MAPRE2: variants seen among roughly 807,000 people sequenced by gnomAD.
MAPRE2 encodes microtubule-associated protein RP/EB family member 2.
A neutral mutation model predicts 43.2 loss-of-function variants in MAPRE2; 13 were observed. The observed-to-expected ratio is 0.30, with a 90% CI of 0.20 to 0.48. MAPRE2 has a LOEUF of 0.48. Ranked by LOEUF, MAPRE2 falls within the 20% of genes least tolerant of loss-of-function variation. The pLI is 0.99. For missense variants in MAPRE2, 161 were observed against 400.2 expected, an observed-to-expected ratio of 0.40 and a Z score of 5.10; for synonymous variants, 135 against 148.8, an observed-to-expected ratio of 0.91 and a Z score of 0.68.
At chr18:34,992,807 G>A (rs980146443) in intron 1 of MAPRE2, among the ~76,000 whole-genome samples, 9 of 152,098 alleles carry the variant, frequency 5.9e-5, no homozygotes, top group African/African-American at 2.2e-4. Flanking sequence ...ATACGAAAGC[G>A]GTGTGATTTC....
intron 1 of MAPRE2, among the ~76,000 whole-genome samples, chr18:35,001,730 G>A (rs765203163): frequency 2.0e-5 from 3 of 151,380 alleles, no homozygotes; most frequent in Non-Finnish European, 2.9e-5. Context: ...TTTTTTTCTT[G>A]GATCTGTGCA....
At chr18:35,013,096 C>T in intron 2 of MAPRE2, among the ~76,000 whole-genome samples, 1 of 152,064 alleles carries the variant, frequency 6.6e-6, no homozygotes, top group East Asian at 1.9e-4. Context: ...ATTGCTTTAG[C>T]AACAAAGAGG....
intron 4 of MAPRE2, among the ~76,000 whole-genome samples, chr18:35,104,995 C>G (rs1908840767): frequency 6.6e-6 from 1 of 152,046 alleles, no homozygotes; most frequent in Admixed American, 6.6e-5. Flanking sequence ...CTTCCACGAT[C>G]ATAACCTGTC....
At chr18:35,096,287 G>A (rs1000093304) in intron 2 of MAPRE2, among the ~76,000 whole-genome samples, 1 of 152,114 alleles carries the variant, frequency 6.6e-6, no homozygotes, top group African/African-American at 2.4e-5. Flanking sequence ...CAAGAGATCT[G>A]GAGATAGCAA....
At chr18:35,060,477 G>C (rs144188422) in intron 1 of MAPRE2, among the ~76,000 whole-genome samples, 2 of 152,186 alleles carry the variant, frequency 1.3e-5, no homozygotes, top group Admixed American at 6.5e-5. Context: ...ATGAAGAAGC[G>C]TATGTCTATG....
chr18:34,978,142 C>T, intron 1 of MAPRE2: 1 of 299,324 alleles, frequency 3.3e-6, no homozygotes, highest in South Asian at 3.6e-5. Context: ...GCCTTTCCTT[C>T]ACCTCCGCAC....
Position 35,034,593 on chromosome 18 carries a change from A to C in MAPRE2, c.-8+29040A>C, listed in dbSNP as rs1230627930. On this transcript the variant is annotated intron_variant, in intron 2 of 7. Transcript: ENST00000413393. Reference sequence around the variant, plus strand: ...ACAGGCAACCTACAAAATGGGAGAAAATTTTCGCAACCTATTCATCTGACA... The same window carrying C: ...ACAGGCAACCTACAAAATGGGAGAACATTTTCGCAACCTATTCATCTGACA... 4.6e-5 allele frequency among the ~76,000 whole-genome samples: 7 copies of C among 152,250 alleles called. No individual in the cohort carries two copies. In the East Asian group the frequency reaches 1.2e-3, roughly 25 times the overall value.
intron 1 of MAPRE2, among the ~76,000 whole-genome samples, chr18:34,990,596 A>G (rs1246673938): frequency 1.3e-5 from 2 of 152,168 alleles, no homozygotes; most frequent in Non-Finnish European, 2.9e-5. Flanking sequence ...ACTCTCATCT[A>G]TGATAAATTT....
intron 2 of MAPRE2, among the ~76,000 whole-genome samples, chr18:35,071,758 G>A (rs1298369708): frequency 6.6e-6 from 1 of 152,172 alleles, no homozygotes; most frequent in African/African-American, 2.4e-5. Flanking sequence ...CACCAGGTCT[G>A]GACTTGATCA....
At chr18:35,098,429 CAG>C (rs1325396990) in intron 3 of MAPRE2, among the ~76,000 whole-genome samples, 1 of 151,906 alleles carries the variant, frequency 6.6e-6, no homozygotes, top group Non-Finnish European at 1.5e-5. Flanking sequence ...TTATAAAAGA[CAG>C]AGATTAAAGG....
At chr18:35,073,042 C>T (rs1231238996) in intron 2 of MAPRE2, among the ~76,000 whole-genome samples, 1 of 151,946 alleles carries the variant, frequency 6.6e-6, no homozygotes, top group Non-Finnish European at 1.5e-5. Flanking sequence ...TTTATAATTT[C>T]CTGGGGAGCT....
intron 1 of MAPRE2, among the ~76,000 whole-genome samples, chr18:35,064,965 T>C (rs1229951977): frequency 6.6e-6 from 1 of 152,204 alleles, no homozygotes; most frequent in Admixed American, 6.5e-5. Context: ...ATTTTTGTTT[T>C]TTCTGTGTGT....
chr18:35,033,826 A>C (rs2097049035), intron 2 of MAPRE2, among the ~76,000 whole-genome samples: 2 of 145,518 alleles, frequency 1.4e-5, no homozygotes, highest in South Asian at 2.3e-4. Context: ...GGACCTCTTC[A>C]AGGAGAACTA....
chr18:35,136,696 G>A (rs1396956846), intron 6 of MAPRE2, among the ~76,000 whole-genome samples: 3 of 152,210 alleles, frequency 2.0e-5, no homozygotes, highest in African/African-American at 4.8e-5. Context: ...GCAGGGTGGT[G>A]CCTTCCACAG....
intron 2 of MAPRE2, among the ~76,000 whole-genome samples, chr18:35,033,603 T>A (rs1205416531): frequency 2.6e-5 from 4 of 151,296 alleles, no homozygotes; most frequent in Non-Finnish European, 4.4e-5. Context: ...TGATTGTATA[T>A]CTAGAAAACC....
At chr18:35,038,290 A>T (rs796813977), upstream of MAPRE2, among the ~76,000 whole-genome samples, 6 of 152,170 alleles carry the variant, frequency 3.9e-5, no homozygotes, top group African/African-American at 2.4e-5. Context: ...AAACTTCTAG[A>T]TATCTTCTAC....
intron 1 of MAPRE2, among the ~76,000 whole-genome samples, chr18:35,061,721 C>G (rs963137073): frequency 6.6e-6 from 1 of 152,196 alleles, no homozygotes; most frequent in Non-Finnish European, 1.5e-5. Context: ...AGGCGAAACT[C>G]CATAGTTCCT....
At chr18:35,100,617 G>A (rs1252332307) in intron 3 of MAPRE2, among the ~76,000 whole-genome samples, 3 of 152,092 alleles carry the variant, frequency 2.0e-5, no homozygotes, top group Non-Finnish European at 4.4e-5. Flanking sequence ...TATACACCAT[G>A]GAATACTAGG....
chr18:35,114,371 A>G (rs1290342546), intron 4 of MAPRE2, among the ~76,000 whole-genome samples: 13 of 152,168 alleles, frequency 8.5e-5, no homozygotes, highest in African/African-American at 2.9e-4. Context: ...TGATTTTTCA[A>G]AAGTTCAAAA....
Sources: gnomAD v4.1 joint callset for allele counts (sites outside exome capture counted in the v4.1 genomes callset) on GRCh38, gnomAD v4.1.1 for gene constraint, MANE v1.5 for transcripts, NCBI Gene and HGNC (gene_info 2026-07-23, HGNC 2026-07-21) for gene names.